Variants in DCAF10 observed in about 807,000 individuals in gnomAD.
The protein encoded by DCAF10 is DDB1- and CUL4-associated factor 10.
DCAF10 carries 19 observed loss-of-function variants against 51.9 expected under a neutral mutation model. That is an observed-to-expected ratio of 0.37 (90% CI 0.26 to 0.54). The LOEUF (loss-of-function observed/expected upper bound fraction) is 0.54, where lower values mean the gene tolerates loss of function less well. Among genes scored for constraint, DCAF10 ranks in the 20% least tolerant of loss-of-function variants. The probability of loss-of-function intolerance (pLI) is 0.87; values close to 1 mark genes in which losing one functional copy is unlikely to be tolerated. For synonymous variants in DCAF10, 291 were observed against 297.1 expected (o/e 0.98, Z 0.21); for missense variants, 510 against 730.6 (o/e 0.70, Z 3.48).
Position 37,826,294 on chromosome 9 carries a change from A to G in DCAF10, c.653+6893A>G, listed in dbSNP as rs537186003. 5.4e-4 allele frequency among the ~76,000 whole-genome samples: 83 copies of G among 152,332 alleles called. No homozygotes were observed. The South Asian group carries it at 0.013, about 23-fold the overall frequency. ...CCCTACAGCTATTATGCATGTAAAG[A>G]GAAGCTTAAAGTTATTAGTAATCAC... On this transcript the variant is annotated intron_variant, in intron 2 of 6. Coordinates refer to ENST00000377724, the MANE Select transcript of DCAF10 (RefSeq NM_024345.5).
chr9:37,805,327 C>CA (rs200646642), intron 1 of DCAF10, among the ~76,000 whole-genome samples: 1,918 of 151,958 alleles, frequency 0.013, 41 homozygotes, highest in African/African-American at 0.044. Flanking sequence ...ACTAAAAATA[C>CA]AAAAAAATTA....
intron 2 of DCAF10, among the ~76,000 whole-genome samples, chr9:37,821,081 A>G (rs1298929061): frequency 8.0e-6 from 1 of 125,732 alleles, no homozygotes; most frequent in African/African-American, 3.0e-5. Context: ...TAATTGTTGC[A>G]TATACAAACA....
rs1445015920 is a variant in DCAF10 at position 37,864,157 on chromosome 9, A to C, written c.*2649A>C. 6.6e-6 allele frequency: 1 copy of C among 152,184 alleles called. No homozygotes were observed. The highest frequency in any genetic ancestry group is 1.5e-5 in the Non-Finnish European group (1 of 68,108). 9.4% of individuals were successfully genotyped at this position (152,184 alleles called of 1,614,324 possible). A position where few individuals can be genotyped will look rare whatever the true frequency, so the allele number is the denominator to read the frequency against. ...AAAAATTAGATGGGCATGTTGGTAC[A>C]CGCCTGTAGTCCTAGCTACTCAGGA... On this transcript the variant is annotated 3_prime_UTR_variant, in exon 7 of 7. Coordinates refer to ENST00000377724, the MANE Select transcript of DCAF10 (RefSeq NM_024345.5).
At chr9:37,808,615 A>G (rs57461654) in intron 1 of DCAF10, among the ~76,000 whole-genome samples, 3 of 88,278 alleles carry the variant, frequency 3.4e-5, no homozygotes, top group Non-Finnish European at 6.0e-5. Context: ...ATAAAAATAT[A>G]ATATATTTAT....
intron 5 of DCAF10, among the ~76,000 whole-genome samples, chr9:37,857,655 A>G (rs1393059704): frequency 6.6e-6 from 1 of 152,204 alleles, no homozygotes; most frequent in Non-Finnish European, 1.5e-5. Flanking sequence ...GTGAAAATTA[A>G]GTGAGATTAT....
rs189603354 is a variant in DCAF10, at chr9:37,840,670, T to A, written c.654-1419T>A. Reference sequence around the variant, plus strand: ...AGGTTAATTTATTACTGATGAAAAATTTTTAAATTAATTTAGTGTAGCCTA... The same window carrying A: ...AGGTTAATTTATTACTGATGAAAAAATTTTAAATTAATTTAGTGTAGCCTA... On this transcript the variant is annotated intron_variant, in intron 2 of 6. Transcript: ENST00000377724. Among the ~76,000 whole-genome samples, 1,507 of 152,092 alleles carry A rather than the reference T, an allele frequency of 9.9e-3. 22 individuals carry two copies. Among genetic ancestry groups the A allele is most frequent in the Middle Eastern group, 0.044 (13 of 294 alleles).
rs535529140 is a variant in DCAF10 at position 37,865,459 on chromosome 9, A to T, written c.*3951A>T. On this transcript the variant is annotated 3_prime_UTR_variant, in exon 7 of 7. Coordinates refer to ENST00000377724, the MANE Select transcript of DCAF10 (RefSeq NM_024345.5). ...ACATTTCAAAGCCCCATTTCACTTA[A>T]GAGTAAAATCTAATCTGATGTTTTT... 1 of 152,252 alleles carries T rather than the reference A, an allele frequency of 6.6e-6. No homozygotes were observed. The highest frequency in any genetic ancestry group is 1.5e-5 in the Non-Finnish European group (1 of 68,044). The allele number at this position is 152,252 out of a possible 1,614,324, so 9.4% of individuals were successfully genotyped here.
At chr9:37,804,460 A>G (rs1829049647) in intron 1 of DCAF10, among the ~76,000 whole-genome samples, 1 of 152,110 alleles carries the variant, frequency 6.6e-6, no homozygotes, top group Admixed American at 6.5e-5. Context: ...CTGTGGGACA[A>G]TAAATATAAA....
At chr9:37,804,970 C>T (rs1829069049) in intron 1 of DCAF10, among the ~76,000 whole-genome samples, 1 of 152,068 alleles carries the variant, frequency 6.6e-6, no homozygotes, top group East Asian at 1.9e-4. Flanking sequence ...GAAATAAATA[C>T]ATATTCAGAC....
At position 37,854,890 on chromosome 9, in the gene DCAF10, A is replaced by C. The variant is rs1227610054; in HGVS notation, c.962A>C (p.Tyr321Ser). Residue 321 changes from tyrosine to serine, a missense_variant, in exon 4 of 7, where the codon TAT (tyrosine) becomes TCT (serine). Tyr to Ser is a moderately radical substitution (Grantham distance 144). Coordinates refer to ENST00000377724, the MANE Select transcript of DCAF10 (RefSeq NM_024345.5). ...ATGTTGATTTCAACGTCCTCTGGATATCTCTTAATTTTGCATGACCTTGAC... is the reference window on the plus strand; with the variant it reads ...ATGTTGATTTCAACGTCCTCTGGATCTCTCTTAATTTTGCATGACCTTGAC... ...SKMLISTSSG[Y>S]LLILHDLDLT... 3 of 1,614,058 alleles carry C rather than the reference A, an allele frequency of 1.9e-6. No homozygotes were observed.
At chr9:37,803,379 C>T (rs1004355542) in intron 1 of DCAF10, among the ~76,000 whole-genome samples, 3 of 151,752 alleles carry the variant, frequency 2.0e-5, no homozygotes, top group African/African-American at 7.3e-5. Flanking sequence ...TAACATTTTT[C>T]ATTAGTTTAA....
chr9:37,861,446 C>A lies in DCAF10; in HGVS notation c.1618C>A (p.His540Asn). 5 of 1,614,150 alleles carry A rather than the reference C, an allele frequency of 3.1e-6. No homozygotes were observed. Among genetic ancestry groups the A allele is most frequent in the Non-Finnish European group, 4.2e-6 (5 of 1,179,994 alleles). ...VVLTTKFSPTHCQIASGCLSG... is the reference protein window; with the variant it reads ...VVLTTKFSPTNCQIASGCLSG... ...ACTGACAACAAAGTTCTCTCCAACA[C>A]ATTGTCAGATTGCCTCAGGGTGCCT... Residue 540 changes from histidine (H) to asparagine (N), a missense_variant, in exon 7 of 7, where the codon CAT becomes AAT. By Grantham distance (68) the His-to-Asn change is moderately conservative (BLOSUM62 1). Around this residue, in one of 4 missense-constraint regions of DCAF10, gnomAD observed 104 missense variants for 206.2 expected, o/e 0.50. Transcript: ENST00000377724. The surrounding 1 kb of genome is among the most constrained non-coding windows in gnomAD (Gnocchi z 4.9).
At chr9:37,816,496 A>G (rs1316749631) in intron 1 of DCAF10, among the ~76,000 whole-genome samples, 1 of 152,242 alleles carries the variant, frequency 6.6e-6, no homozygotes, top group Non-Finnish European at 1.5e-5. Context: ...AGGCTGAGGC[A>G]GGAAAATCTT....
At chr9:37,840,836 G>A (rs1053117493) in intron 2 of DCAF10, among the ~76,000 whole-genome samples, 6 of 152,098 alleles carry the variant, frequency 3.9e-5, no homozygotes, top group African/African-American at 9.7e-5. Flanking sequence ...CTATACAGGC[G>A]TAACATTTTA....
At chr9:37,816,071 A>G (rs1229766257) in intron 1 of DCAF10, among the ~76,000 whole-genome samples, 1 of 152,216 alleles carries the variant, frequency 6.6e-6, no homozygotes, top group Non-Finnish European at 1.5e-5. Flanking sequence ...TGGAATAACA[A>G]GAATAAGCCA....
At position 37,831,050 on chromosome 9, in the gene DCAF10, C is replaced by A. The variant is rs1479323099; in HGVS notation, c.654-11039C>A. Among the ~76,000 whole-genome samples the A allele has an allele frequency of 2.0e-5, 3 of 152,284 alleles. No individual in the cohort carries two copies. The East Asian group carries it at 5.8e-4, about 29-fold the overall frequency. On this transcript the variant is annotated intron_variant, in intron 2 of 6. Coordinates refer to ENST00000377724, the MANE Select transcript of DCAF10 (RefSeq NM_024345.5). ...CCAACCTGGCTAACATGGTGAAACCCCGTCTCTATTAAAAATACAAAAATT... is the reference window on the plus strand; with the variant it reads ...CCAACCTGGCTAACATGGTGAAACCACGTCTCTATTAAAAATACAAAAATT...
At chr9:37,851,692 G>C (rs1483845361) in intron 3 of DCAF10, among the ~76,000 whole-genome samples, 1 of 151,492 alleles carries the variant, frequency 6.6e-6, no homozygotes, top group African/African-American at 2.4e-5. Flanking sequence ...TTACTCGGGA[G>C]GCTGAGGCAG....
chr9:37,821,920 AAC>A (rs1282279260), intron 2 of DCAF10, among the ~76,000 whole-genome samples: 6 of 152,180 alleles, frequency 3.9e-5, no homozygotes, highest in Non-Finnish European at 7.4e-5. Flanking sequence ...GTAAAAAAAA[AAC>A]AACAATCAAT....
At position 37,800,831 on chromosome 9, in the gene DCAF10, G is replaced by A; in HGVS notation, c.-36G>A. ...GGGGCACTGAGGTGTCGGCCGGCGG[G>A]GCAGTGGCCCGGAGCGGGGGGCGGG... On this transcript the variant is annotated 5_prime_UTR_variant, in exon 1 of 7. Coordinates refer to ENST00000377724, the MANE Select transcript of DCAF10 (RefSeq NM_024345.5). 5 of 1,489,826 alleles carry A rather than the reference G, an allele frequency of 3.4e-6. No homozygotes were observed. The highest frequency in any genetic ancestry group is 4.4e-6 in the Non-Finnish European group (5 of 1,126,004). 92.3% of individuals were successfully genotyped at this position (1,489,826 alleles called of 1,614,324 possible). A position where few individuals can be genotyped will look rare whatever the true frequency, so the allele number is the denominator to read the frequency against.
Sources: gnomAD v4.1 joint callset for allele counts (sites outside exome capture counted in the v4.1 genomes callset) on GRCh38, gnomAD v4.1.1 for gene constraint, gnomAD v4.1.1 regional missense constraint, Gnocchi (gnomAD v3.1) non-coding constraint, MANE v1.5 for transcripts, NCBI Gene and HGNC (gene_info 2026-07-23, HGNC 2026-07-21) for gene names.